Variants in KLHL29 observed in about 807,000 individuals in gnomAD.
The protein encoded by KLHL29 is kelch-like protein 29.
In KLHL29, 21 loss-of-function variants were observed where a neutral mutation model predicts 80.4. The ratio of observed to expected loss-of-function variants is 0.26; its 90% CI spans 0.19 to 0.38. The LOEUF is 0.38. Ranked by LOEUF, KLHL29 falls within the 10% of genes least tolerant of loss-of-function variation. The probability of loss-of-function intolerance (pLI) is 1.00; values close to 1 mark genes in which losing one functional copy is unlikely to be tolerated. For missense variants in KLHL29, 867 were observed against 1,223.9 expected (o/e 0.71, Z 4.35); for synonymous variants, 511 against 526.8 (o/e 0.97, Z 0.41).
At chr2:23,563,745 A>AG (rs1667513214) in intron 3 of KLHL29, among the ~76,000 whole-genome samples, 1 of 152,226 alleles carries the variant, frequency 6.6e-6, no homozygotes, top group Non-Finnish European at 1.5e-5. Flanking sequence ...AGAGGCTGAG[A>AG]CAATGGAGCT....
chr2:23,545,425 G>A (rs774480892), intron 2 of KLHL29, among the ~76,000 whole-genome samples: 21 of 152,176 alleles, frequency 1.4e-4, no homozygotes, highest in East Asian at 3.9e-4. Flanking sequence ...GCATGCTGTC[G>A]GTGCTCCGTA....
intron 3 of KLHL29, among the ~76,000 whole-genome samples, chr2:23,563,320 G>A (rs1189477395): frequency 6.6e-6 from 1 of 152,216 alleles, no homozygotes; most frequent in Non-Finnish European, 1.5e-5. Context: ...GTCCTGGAGG[G>A]CCGGGCCCCT....
chr2:23,400,306 T>G (rs994330114), intron 1 of KLHL29, among the ~76,000 whole-genome samples: 5 of 152,056 alleles, frequency 3.3e-5, no homozygotes, highest in South Asian at 2.1e-4. Context: ...GGCCTCTTCC[T>G]TTCTGGATTG....
rs1558406077 is a variant in KLHL29 at position 23,606,202 on chromosome 2, G to GC, written c.286-32937_286-32936insC. The stretch of plus-strand genomic sequence containing the variant: ...AGAGAGAGAGAGGGAGAGAGAGAGG[G>GC]AGAGAGAGAGAGAGGCAGAGAGAGA... On this transcript the variant is annotated intron_variant, in intron 3 of 13. Coordinates refer to ENST00000486442, the MANE Select transcript of KLHL29 (RefSeq NM_052920.2). 8.8e-3 allele frequency among the ~76,000 whole-genome samples: 1,272 copies of GC among 144,092 alleles called. 23 individuals carry two copies. The highest frequency in any genetic ancestry group is 0.031 in the African/African-American group (1,200 of 38,414). 94.5% of individuals were successfully genotyped at this position (144,092 alleles called of 152,430 possible).
chr2:23,507,600 G>A (rs967894884), intron 2 of KLHL29, among the ~76,000 whole-genome samples: 1 of 152,150 alleles, frequency 6.6e-6, no homozygotes, highest in Non-Finnish European at 1.5e-5. Flanking sequence ...AATGTTTAAC[G>A]TCTGCTCTTG....
chr2:23,490,547 C>G (rs539981682), intron 2 of KLHL29, among the ~76,000 whole-genome samples: 15 of 151,972 alleles, frequency 9.9e-5, no homozygotes, highest in Non-Finnish European at 1.6e-4. Context: ...TGTTTTTTTC[C>G]GCTGCTTGGT....
At chr2:23,389,820 A>T (rs1666274484) in intron 1 of KLHL29, among the ~76,000 whole-genome samples, 1 of 152,198 alleles carries the variant, frequency 6.6e-6, no homozygotes, top group African/African-American at 2.4e-5. Flanking sequence ...GAATATCTGT[A>T]GTTTGTGTAG....
At chr2:23,595,967 T>C (rs1668384200) in intron 3 of KLHL29, among the ~76,000 whole-genome samples, 1 of 152,230 alleles carries the variant, frequency 6.6e-6, no homozygotes, top group Non-Finnish European at 1.5e-5. Context: ...GGCGGGCTTC[T>C]TCCTCAGAAG....
rs185213413 is a variant in KLHL29 at position 23,524,137 on chromosome 2, C to T, written c.-45-38015C>T. On this transcript the variant is annotated intron_variant, in intron 2 of 13. Transcript: ENST00000486442. ...AGCGGAGATGCAAGTGTTCCCATTT[C>T]TCGGAAAAGGAAGCCGATGCTGGAG... 2.1e-4 allele frequency: 93 copies of T among 439,224 alleles called. 1 individual carries two copies. Among genetic ancestry groups the T allele is most frequent in the African/African-American group, 1.8e-3 (87 of 49,020 alleles). The allele number at this position is 439,224 out of a possible 1,614,324, so 27.2% of individuals were successfully genotyped here. A position where few individuals can be genotyped will look rare whatever the true frequency, so the allele number is the denominator to read the frequency against.
intron 2 of KLHL29, among the ~76,000 whole-genome samples, chr2:23,553,481 TG>T (rs139110317): frequency 9.0e-4 from 137 of 152,314 alleles, no homozygotes; most frequent in African/African-American, 3.2e-3. Context: ...TGTGAGGCCT[TG>T]GGTCCAGGCT....
intron 3 of KLHL29, among the ~76,000 whole-genome samples, chr2:23,612,274 A>G (rs1346705687): frequency 6.6e-6 from 1 of 152,240 alleles, no homozygotes; most frequent in African/African-American, 2.4e-5. Context: ...CAATGACAAA[A>G]TATATAACTG....
chr2:23,694,296 C>T (rs1671808179), intron 8 of KLHL29, among the ~76,000 whole-genome samples: 1 of 152,212 alleles, frequency 6.6e-6, no homozygotes, highest in Admixed American at 6.5e-5. Context: ...TCTCCCATAG[C>T]CATTTCGCTA....
intron 1 of KLHL29, among the ~76,000 whole-genome samples, chr2:23,440,152 A>G (rs1199786160): frequency 2.6e-5 from 4 of 152,064 alleles, no homozygotes; most frequent in African/African-American, 7.2e-5. Flanking sequence ...TTTTTTGAAC[A>G]GAGCCCTCAG....
chr2:23,674,972 G>C (rs1053685912), intron 5 of KLHL29, among the ~76,000 whole-genome samples: 2 of 152,008 alleles, frequency 1.3e-5, no homozygotes, highest in Non-Finnish European at 2.9e-5. Context: ...TCCAGGTCCT[G>C]CCTTGACTCC....
intron 1 of KLHL29, among the ~76,000 whole-genome samples, chr2:23,444,846 A>G (rs966553491): frequency 7.2e-5 from 11 of 152,180 alleles, no homozygotes; most frequent in African/African-American, 2.7e-4. Flanking sequence ...ATTTGAAAAA[A>G]TTCTTTGTGT....
At chr2:23,402,383 T>C (rs925401948) in intron 1 of KLHL29, among the ~76,000 whole-genome samples, 1 of 151,756 alleles carries the variant, frequency 6.6e-6, no homozygotes, top group Admixed American at 6.5e-5. Context: ...AAAGATAAAC[T>C]TTGCTCCATT....
chr2:23,685,898 A>G (rs1671235860), intron 6 of KLHL29, among the ~76,000 whole-genome samples: 3 of 152,156 alleles, frequency 2.0e-5, no homozygotes, highest in South Asian at 4.2e-4. Context: ...CTGGCTCCAA[A>G]CCAGCTAGAG....
At chr2:23,476,155 G>A (rs192546867) in intron 2 of KLHL29, among the ~76,000 whole-genome samples, 2 of 152,128 alleles carry the variant, frequency 1.3e-5, no homozygotes, top group Admixed American at 6.5e-5. Flanking sequence ...GATTGTAGGC[G>A]TGAGCCACCG....
At chr2:23,611,739 G>GCTTA (rs1489086590) in intron 3 of KLHL29, among the ~76,000 whole-genome samples, 1 of 152,178 alleles carries the variant, frequency 6.6e-6, no homozygotes, top group African/African-American at 2.4e-5. Flanking sequence ...AAATAACTCT[G>GCTTA]CTTACCATGT....
Sources: allele counts gnomAD v4.1 joint callset (sites outside exome capture counted in the v4.1 genomes callset), GRCh38; gene constraint gnomAD v4.1.1; transcripts MANE v1.5; gene names NCBI Gene and HGNC (gene_info 2026-07-23, HGNC 2026-07-21).